JAK1: variants seen among roughly 807,000 people sequenced by gnomAD.
The protein encoded by JAK1 is Janus kinase 1.
JAK1 carries 16 observed loss-of-function variants against 136.6 expected under a neutral mutation model. The ratio of observed to expected loss-of-function variants is 0.12; its 90% CI spans 0.08 to 0.18. The LOEUF is 0.18. Ranked by LOEUF, JAK1 falls within the 10% of genes least tolerant of loss-of-function variation. The pLI is 1.00. For synonymous variants in JAK1, 492 were observed against 519.5 expected (o/e 0.95, Z 0.72); for missense variants, 859 against 1,450.1 (o/e 0.59, Z 6.62).
rs151066798 is a variant in JAK1 at position 65,005,884 on chromosome 1, A to G, written c.-78+38596T>C. ...CAGAAGAATAAGTTATAATAAGATGATCTTGCAGAAGAATAAGTTGCCATT... is the reference window on the plus strand; with the variant it reads ...CAGAAGAATAAGTTATAATAAGATGGTCTTGCAGAAGAATAAGTTGCCATT... On this transcript the variant is annotated intron_variant, in intron 2 of 25. Coordinates refer to the JAK1 transcript ENST00000671954. Among the ~76,000 whole-genome samples, 500 of 152,286 alleles carry G rather than the reference A, an allele frequency of 3.3e-3. 2 individuals are homozygous for G. The highest frequency in any genetic ancestry group is 0.012 in the African/African-American group (481 of 41,566).
intron 5 of JAK1, among the ~76,000 whole-genome samples, chr1:64,872,369 T>C (rs929084638): frequency 5.3e-5 from 8 of 152,338 alleles, no homozygotes; most frequent in African/African-American, 1.9e-4. Context: ...TTCCTTTTTA[T>C]TCTTCAGGAT....
intron 19 of JAK1, among the ~76,000 whole-genome samples, chr1:64,840,004 A>G (rs1031330862): frequency 2.0e-5 from 3 of 152,198 alleles, no homozygotes; most frequent in Non-Finnish European, 4.4e-5. Context: ...TCAGTTACTG[A>G]GCCAAGACAA....
chr1:64,860,276 A>C lies in JAK1; in HGVS notation c.1177-14T>G. 1 of 1,594,654 alleles carries C rather than the reference A, an allele frequency of 6.3e-7. No homozygotes were observed. The highest frequency in any genetic ancestry group is 8.6e-7 in the Non-Finnish European group (1 of 1,168,448). On this transcript the variant is annotated splice_polypyrimidine_tract_variant and intron_variant, in intron 8 of 24. Coordinates refer to ENST00000342505, the MANE Select transcript of JAK1 (RefSeq NM_002227.4). ...GAGCTTCAGTTCCTGTTGAGAGAGA[A>C]GAAATTCCCACGGTTACATCATGTC...
chr1:65,055,000 C>T (rs1260062131), intron 1 of JAK1, among the ~76,000 whole-genome samples: 1 of 152,178 alleles, frequency 6.6e-6, no homozygotes, highest in Non-Finnish European at 1.5e-5. Flanking sequence ...GGTTATTATC[C>T]TGAATCTCTT....
At chr1:64,913,697 A>AAGGAAGGG (rs1645335302) in intron 1 of JAK1, among the ~76,000 whole-genome samples, 3 of 37,250 alleles carry the variant, frequency 8.1e-5, no homozygotes, top group Non-Finnish European at 2.4e-4. Flanking sequence ...GGAAGGAAGG[A>AAGGAAGGG]AGGAAAGAAG....
intron 1 of JAK1, among the ~76,000 whole-genome samples, chr1:65,061,495 T>C (rs1287218933): frequency 6.6e-6 from 1 of 152,202 alleles, no homozygotes; most frequent in Non-Finnish European, 1.5e-5. Flanking sequence ...TTTGAATATC[T>C]GATTATATAT....
chr1:64,921,103 G>A (rs779432208), intron 1 of JAK1, among the ~76,000 whole-genome samples: 2 of 152,128 alleles, frequency 1.3e-5, no homozygotes, highest in South Asian at 4.1e-4. Context: ...CCATTTTTCA[G>A]AGTAACTCAT....
chr1:65,046,402 C>G (rs533827), intron 1 of JAK1, among the ~76,000 whole-genome samples: 1 of 152,158 alleles, frequency 6.6e-6, no homozygotes, highest in Non-Finnish European at 1.5e-5. Flanking sequence ...CCAGGAGTGT[C>G]TGAGGGACTG....
intron 1 of JAK1, among the ~76,000 whole-genome samples, chr1:65,054,827 A>G (rs541354263): frequency 1.3e-4 from 20 of 152,308 alleles, no homozygotes; most frequent in African/African-American, 4.3e-4. Context: ...GCTATGTTGG[A>G]AACCCTGGAA....
chr1:65,051,184 GTT>G (rs34684205), intron 1 of JAK1, among the ~76,000 whole-genome samples: 1,990 of 147,950 alleles, frequency 0.013, 11 homozygotes, highest in Non-Finnish European at 0.022. Flanking sequence ...GGTATGTCAG[GTT>G]TTTTTTTTTT....
intron 2 of JAK1, among the ~76,000 whole-genome samples, chr1:65,033,687 A>C (rs1305414408): frequency 6.8e-6 from 1 of 146,682 alleles, no homozygotes; most frequent in Non-Finnish European, 1.5e-5. Context: ...CAGGAGTTTG[A>C]GATCAGCCCA....
rs765157103 is a variant in JAK1, at chr1:64,834,297, A to G, written c.*265T>C. ...TGAAATGGTGGTATATTCTTTCCAC[A>G]AGGAGGAGTGCTTAAGTGCTTTCAA... On this transcript the variant is annotated 3_prime_UTR_variant, in exon 25 of 25. Coordinates refer to ENST00000342505, the MANE Select transcript of JAK1 (RefSeq NM_002227.4). The G allele has an allele frequency of 7.4e-5, 22 of 297,328 alleles. No homozygotes were observed. The highest frequency in any genetic ancestry group is 9.5e-5 in the Non-Finnish European group (15 of 157,870). The allele number at this position is 297,328 out of a possible 1,614,324, so 18.4% of individuals were successfully genotyped here. A position where few individuals can be genotyped will look rare whatever the true frequency, so the allele number is the denominator to read the frequency against.
At chr1:65,012,008 G>A (rs1646853371) in intron 2 of JAK1, among the ~76,000 whole-genome samples, 1 of 152,126 alleles carries the variant, frequency 6.6e-6, no homozygotes, top group African/African-American at 2.4e-5. Flanking sequence ...AGGAAAAGAG[G>A]GCCCAGTTTG....
intron 19 of JAK1, among the ~76,000 whole-genome samples, chr1:64,840,286 A>T (rs1008004843): frequency 6.6e-6 from 1 of 152,162 alleles, no homozygotes; most frequent in African/African-American, 2.4e-5. Flanking sequence ...TGCATACAGA[A>T]ACTGGCCTCG....
chr1:65,016,993 TAACAA>T lies in JAK1; in HGVS notation c.-78+27482_-78+27486del, dbSNP rs368686281. Among the ~76,000 whole-genome samples, 402 of 152,276 alleles carry T rather than the reference TAACAA, an allele frequency of 2.6e-3. 3 individuals are homozygous for T. The highest frequency in any genetic ancestry group is 9.3e-3 in the African/African-American group (387 of 41,552). ...AATTACAACAATAAAGATAATCACT[TAACAA>T]TACAATTTCAGCTTACTAGGAAAAT... On this transcript the variant is annotated intron_variant, in intron 2 of 25. Transcript: ENST00000671954.
At chr1:64,907,646 T>C (rs1384495594) in intron 1 of JAK1, among the ~76,000 whole-genome samples, 3 of 151,948 alleles carry the variant, frequency 2.0e-5, no homozygotes, top group Admixed American at 2.0e-4. Context: ...ATGGCACAAG[T>C]TTACCTATAT....
At chr1:65,024,700 G>A (rs938448007) in intron 2 of JAK1, among the ~76,000 whole-genome samples, 2 of 150,756 alleles carry the variant, frequency 1.3e-5, no homozygotes, top group East Asian at 1.9e-4. Context: ...AAAAAGGCTA[G>A]GGGTGGTGGC....
chr1:64,913,703 A>AGAAG (rs1557686804), intron 1 of JAK1, among the ~76,000 whole-genome samples: 2 of 13,688 alleles, frequency 1.5e-4, no homozygotes, highest in Admixed American at 1.7e-3. Context: ...AAGGAAGGAA[A>AGAAG]GAAGGGAGGG....
chr1:64,931,798 G>T (rs74841357), intron 1 of JAK1, among the ~76,000 whole-genome samples: 6,341 of 152,238 alleles, frequency 0.042, 355 homozygotes, highest in East Asian at 0.26. Flanking sequence ...AGGAACCCAT[G>T]TGACTCTCAG....
Sources: allele counts gnomAD v4.1 joint callset (sites outside exome capture counted in the v4.1 genomes callset), GRCh38; gene constraint gnomAD v4.1.1; transcripts MANE v1.5; gene names NCBI Gene and HGNC (gene_info 2026-07-23, HGNC 2026-07-21).